Variants in CREB5 observed in about 807,000 individuals in gnomAD.
CREB5 encodes the protein cAMP responsive element binding protein 5.
In CREB5, 19 loss-of-function variants were observed where a neutral mutation model predicts 57.1. The observed-to-expected ratio is 0.33, with a 90% CI of 0.23 to 0.49. The LOEUF (loss-of-function observed/expected upper bound fraction) is 0.49. Among genes scored for constraint, CREB5 ranks in the 20% least tolerant of loss-of-function variants. The probability of loss-of-function intolerance (pLI) is 0.99; values close to 1 mark genes in which losing one functional copy is unlikely to be tolerated. For synonymous variants in CREB5, 238 were observed against 238.3 expected, an observed-to-expected ratio of 1.00 and a Z score of 0.01; for missense variants, 579 against 671.6, an observed-to-expected ratio of 0.86 and a Z score of 1.52.
chr7:28,342,784 A>G (rs1701040704), intron 1 of CREB5, among the ~76,000 whole-genome samples: 1 of 152,234 alleles, frequency 6.6e-6, no homozygotes, highest in Admixed American at 6.5e-5. Context: ...CTGACACATA[A>G]TAATTGTACA....
intron 4 of CREB5, among the ~76,000 whole-genome samples, chr7:28,546,463 C>G (rs566314576): frequency 6.6e-6 from 1 of 152,270 alleles, no homozygotes; most frequent in Non-Finnish European, 1.5e-5. Flanking sequence ...TGTAGAACCT[C>G]CAGATTGTTT....
At chr7:28,700,658 A>G (rs1801807466) in intron 5 of CREB5, among the ~76,000 whole-genome samples, 1 of 152,202 alleles carries the variant, frequency 6.6e-6, no homozygotes, top group African/African-American at 2.4e-5. Context: ...AGTGAGGAGT[A>G]AAACGCAGGG....
intron 1 of CREB5, among the ~76,000 whole-genome samples, chr7:28,425,977 C>G (rs1788496906): frequency 6.6e-6 from 1 of 152,212 alleles, no homozygotes; most frequent in Admixed American, 6.5e-5. Context: ...CTCTGGGCCC[C>G]CAGATTGAGG....
At chr7:28,606,292 G>GT (rs1244897318) in intron 5 of CREB5, among the ~76,000 whole-genome samples, 1 of 152,100 alleles carries the variant, frequency 6.6e-6, no homozygotes, top group Non-Finnish European at 1.5e-5. Flanking sequence ...ATTCATGCTT[G>GT]TGGGTAGAAT....
intron 1 of CREB5, among the ~76,000 whole-genome samples, chr7:28,318,755 G>C (rs894115030): frequency 6.6e-6 from 1 of 152,258 alleles, no homozygotes; most frequent in East Asian, 1.9e-4. Context: ...TCTTAGAAGA[G>C]GCACAGAATA....
intron 1 of CREB5, among the ~76,000 whole-genome samples, chr7:28,386,055 C>G (rs907088891): frequency 6.6e-6 from 1 of 152,114 alleles, no homozygotes; most frequent in African/African-American, 2.4e-5. Context: ...TTGGGGCAAC[C>G]TTTTTTCACA....
chr7:28,647,481 C>G (rs994527871), intron 5 of CREB5, among the ~76,000 whole-genome samples: 1 of 152,084 alleles, frequency 6.6e-6, no homozygotes, highest in Admixed American at 6.5e-5. Flanking sequence ...TGGTCCTAAA[C>G]ATGGGAGATA....
chr7:28,527,737 C>T (rs1793508021), intron 4 of CREB5, among the ~76,000 whole-genome samples: 2 of 152,184 alleles, frequency 1.3e-5, no homozygotes, highest in Non-Finnish European at 2.9e-5. Flanking sequence ...AGGAGGGTCT[C>T]AGCCCAGGAG....
chr7:28,560,931 T>TGCGCGCGCGCGCGTGC (rs1467935536), intron 4 of CREB5, among the ~76,000 whole-genome samples: 14 of 48,542 alleles, frequency 2.9e-4, no homozygotes, highest in African/African-American at 8.1e-4. Flanking sequence ...TGCGCGTGCG[T>TGCGCGCGCGCGCGTGC]GTGTGCGTGC....
chr7:28,599,524 CAGA>C (rs1485877122), intron 5 of CREB5, among the ~76,000 whole-genome samples: 1 of 152,128 alleles, frequency 6.6e-6, no homozygotes, highest in African/African-American at 2.4e-5. Context: ...ACACTGTATA[CAGA>C]AGGTCCTTTG....
intron 5 of CREB5, among the ~76,000 whole-genome samples, chr7:28,710,313 T>TA (rs1802339831): frequency 1.3e-5 from 2 of 152,196 alleles, no homozygotes; most frequent in Non-Finnish European, 2.9e-5. Context: ...TGTCCATTGT[T>TA]AGAGTGATTC....
chr7:28,482,897 TCTTA>T (rs1220759112), intron 1 of CREB5, among the ~76,000 whole-genome samples: 1 of 152,204 alleles, frequency 6.6e-6, no homozygotes, highest in East Asian at 1.9e-4. Context: ...CCTTTTAGTG[TCTTA>T]CTATTTATTA....
At chr7:28,646,366 A>AG (rs1329718401) in intron 5 of CREB5, among the ~76,000 whole-genome samples, 1 of 152,170 alleles carries the variant, frequency 6.6e-6, no homozygotes, top group African/African-American at 2.4e-5. Context: ...AAAACAAAAA[A>AG]CAATAGAAAG....
intron 1 of CREB5, among the ~76,000 whole-genome samples, chr7:28,466,798 C>T (rs762293016): frequency 3.0e-4 from 46 of 152,120 alleles, no homozygotes; most frequent in Non-Finnish European, 5.4e-4. Context: ...CTTTGCAAAT[C>T]GGGGCTATGA....
chr7:28,710,973 T>A (rs778536354), intron 5 of CREB5, among the ~76,000 whole-genome samples: 13 of 152,142 alleles, frequency 8.5e-5, no homozygotes, highest in Non-Finnish European at 1.6e-4. Flanking sequence ...ATTACATATG[T>A]CAGGTTTTGT....
intron 4 of CREB5, among the ~76,000 whole-genome samples, chr7:28,560,969 T>TGTGTGCGTGTGCGTGCGTGCGC (rs1795220197): frequency 4.0e-5 from 1 of 24,956 alleles, no homozygotes; most frequent in African/African-American, 1.1e-4. Context: ...TGCGTGTGTG[T>TGTGTGCGTGTGCGTGCGTGCGC]GTGCGTGTGT....
intron 1 of CREB5, among the ~76,000 whole-genome samples, chr7:28,445,755 G>A (rs1455820393): frequency 4.0e-5 from 6 of 151,766 alleles, no homozygotes; most frequent in African/African-American, 9.7e-5. Context: ...GTTTCACTGT[G>A]TTAGCCAGGA....
rs1809885618 is a variant in CREB5 at position 28,823,309 on chromosome 7, A to G, written c.*4030A>G. On this transcript the variant is annotated 3_prime_UTR_variant, in exon 11 of 11. Transcript: ENST00000357727. ...TTCAAAGGACCAAAGCAAAATTTGAACAGGAATCTATTAATTTAGAATTTT... is the reference window on the plus strand; with the variant it reads ...TTCAAAGGACCAAAGCAAAATTTGAGCAGGAATCTATTAATTTAGAATTTT... The G allele has an allele frequency of 6.6e-6, 1 of 152,652 alleles. No individual in the cohort carries two copies. The highest frequency in any genetic ancestry group is 2.4e-5 in the African/African-American group (1 of 41,462). 9.5% of individuals were successfully genotyped at this position (152,652 alleles called of 1,614,324 possible).
At chr7:28,772,412 C>CA (rs1806377081) in intron 7 of CREB5, among the ~76,000 whole-genome samples, 1 of 152,120 alleles carries the variant, frequency 6.6e-6, no homozygotes, top group Non-Finnish European at 1.5e-5. Flanking sequence ...AACTCACTAC[C>CA]AAAGGCTGGG....
Sources: allele counts gnomAD v4.1 joint callset (sites outside exome capture counted in the v4.1 genomes callset), GRCh38; gene constraint gnomAD v4.1.1; transcripts MANE v1.5; gene names NCBI Gene and HGNC (gene_info 2026-07-23, HGNC 2026-07-21).